The following BCL2L12 variants were observed in gnomAD, a reference collection of about 807,000 sequenced individuals.
The protein encoded by BCL2L12 is bcl-2-like protein 12.
Under a neutral mutation model 25.7 loss-of-function variants are expected in BCL2L12, and 27 were observed. The observed-to-expected ratio is 1.05, with a 90% CI of 0.78 to 1.45. BCL2L12 has a LOEUF of 1.45. BCL2L12 is among the 40% of genes most tolerant of loss of function. BCL2L12 has a pLI of 0.00. For missense variants in BCL2L12, 302 were observed against 329.8 expected (o/e 0.92, Z 0.65); for synonymous variants, 132 against 145.6 (o/e 0.91, Z 0.67).
chr19:49,667,425 C>G (rs1175463158), intron 3 of BCL2L12, among the ~76,000 whole-genome samples: 1 of 152,178 alleles, frequency 6.6e-6, no homozygotes. Flanking sequence ...AGGAATACCC[C>G]TGATAGAGGG....
intron 5 of BCL2L12, 97 bp downstream of exon 5, chr19:49,669,212 C>G (rs1439134243): frequency 6.5e-7 from 1 of 1,532,736 alleles, no homozygotes; most frequent in African/African-American, 1.4e-5. Context: ...TTTGGATGGT[C>G]AGGTGGAAAG....
intron 3 of BCL2L12, among the ~76,000 whole-genome samples, chr19:49,667,466 C>T (rs759606637): frequency 3.4e-4 from 51 of 152,146 alleles, no homozygotes; most frequent in Admixed American, 9.2e-4. Flanking sequence ...TCACATCTCC[C>T]TGGCTGTTTT....
chr19:49,670,429 G>A lies in BCL2L12; in HGVS notation c.643G>A (p.Gly215Arg), dbSNP rs747252998. 16 of 1,540,064 alleles carry A rather than the reference G, an allele frequency of 1.0e-5. No individual in the cohort carries two copies. Among genetic ancestry groups the A allele is most frequent in the South Asian group, 6.0e-5 (5 of 83,224 alleles). Residue 215 changes from glycine (G) to arginine (R), a missense_variant, in exon 6 of 7, where the codon GGA (glycine) becomes AGA (arginine). By Grantham distance (125) the Gly-to-Arg change is moderately radical. Transcript: ENST00000246784. The part of the protein sequence containing the change: ...RVAGLGGTLA[G>R]LSVEHVHSFT... ...GGCCGGGCTGGGGGGCACCCTGGCC[G>A]GACTCAGCGTGGAGCACGTGCACAG...
chr19:49,672,435 G>A lies in BCL2L12; in HGVS notation c.703-1263G>A, dbSNP rs2081979356. Among the ~76,000 whole-genome samples, 2 of 152,338 alleles carry A rather than the reference G, an allele frequency of 1.3e-5. No homozygotes were observed. Among genetic ancestry groups the A allele is most frequent in the Middle Eastern group, 3.4e-3 (1 of 294 alleles). ...CTGTGGTCACGGTGAGTGACAACTC[G>A]GACTTTGACTCTGGGTAAGCCAAGG... On this transcript the variant is annotated intron_variant, in intron 6 of 6. Transcript: ENST00000246784. This position sits in a 1 kb window ranked among gnomAD's most constrained non-coding sequence, Gnocchi z 4.1.
upstream of BCL2L12, chr19:49,665,809 CAG>C: frequency 6.3e-7 from 1 of 1,579,810 alleles, no homozygotes; most frequent in Non-Finnish European, 8.7e-7. Context: ...CTTTGGGTAA[CAG>C]ACCCAAAAGC....
Position 49,673,736 on chromosome 19 carries a change from G to GC in BCL2L12, c.743dup (p.Leu249IlefsTer13). 1 of 1,614,140 alleles carries GC rather than the reference G, an allele frequency of 6.2e-7. No homozygotes were observed. Among genetic ancestry groups the GC allele is most frequent in the African/African-American group, 1.3e-5 (1 of 75,024 alleles). On this transcript the variant is annotated frameshift_variant, in exon 7 of 7. Coordinates refer to ENST00000246784, the MANE Select transcript of BCL2L12 (RefSeq NM_138639.2). LOFTEE classifies it high-confidence loss of function. Reference sequence around the variant, plus strand: ...CTGTTTCACCCGTGGACTTGAACTTGCCATTGGACTGAGCTCTTTCTCAGA... The same window carrying GC: ...CTGTTTCACCCGTGGACTTGAACTTGCCCATTGGACTGAGCTCTTTCTCAGA...
rs1351712110 is a variant in BCL2L12, at chr19:49,666,795, C to T, written c.103C>T (p.Pro35Ser). 8.4e-6 allele frequency: 13 copies of T among 1,556,814 alleles called. No individual in the cohort carries two copies. The highest frequency in any genetic ancestry group is 2.4e-5 in the South Asian group (2 of 84,506). ...TGCCGGGTCTCCTGTTCCAACTCCACCTAGGTAAGAGGAGTGGCCCTTCTC... is the reference window on the plus strand; with the variant it reads ...TGCCGGGTCTCCTGTTCCAACTCCATCTAGGTAAGAGGAGTGGCCCTTCTC... ...EAAGSPVPTP[P>S]RSPAQEEPTD... The change falls in exon 2 of 7, where the codon CCT becomes TCT. Residue 35 changes from proline (P) to serine (S), a missense_variant. Transcript: ENST00000246784.
intron 1 of BCL2L12, 67 bp from the exon 2 acceptor site, chr19:49,666,618 C>G: frequency 7.9e-7 from 1 of 1,266,500 alleles, no homozygotes; most frequent in Non-Finnish European, 1.1e-6. Flanking sequence ...ACTCACAAGT[C>G]CTGGTCCCCA....
At position 49,669,009 on chromosome 19, in the gene BCL2L12, C is replaced by G. The variant is rs1328912224; in HGVS notation, c.338-15C>G. 3 of 1,613,800 alleles carry G rather than the reference C, an allele frequency of 1.9e-6. No individual in the cohort carries two copies. Among genetic ancestry groups the G allele is most frequent in the Non-Finnish European group, 2.5e-6 (3 of 1,179,880 alleles). Reference sequence around the variant, plus strand: ...TCAGGGTTCTGCCCCCAGCCAAATTCTCTTCTGCCTCCAGAATTACAGGGT... The same window carrying G: ...TCAGGGTTCTGCCCCCAGCCAAATTGTCTTCTGCCTCCAGAATTACAGGGT... On this transcript the variant is annotated splice_polypyrimidine_tract_variant and intron_variant, in intron 4 of 6. Transcript: ENST00000246784.
intron 5 of BCL2L12, 28 bp from the exon 6 acceptor site, chr19:49,670,188 C>T: frequency 6.3e-7 from 1 of 1,592,980 alleles, no homozygotes; most frequent in Non-Finnish European, 8.5e-7. Context: ...GCGCTGCTGA[C>T]GCGGACCCTG....
At chr19:49,667,984 T>C (rs2081858197) in intron 3 of BCL2L12, among the ~76,000 whole-genome samples, 1 of 152,154 alleles carries the variant, frequency 6.6e-6, no homozygotes, top group Non-Finnish European at 1.5e-5. Flanking sequence ...TTCGCCACGT[T>C]GGCCAGGCTG....
At chr19:49,665,785 C>T (rs2081703944), upstream of BCL2L12, 1 of 1,560,370 alleles carries the variant, frequency 6.4e-7, no homozygotes, top group Admixed American at 1.9e-5. Flanking sequence ...TGAAATAAAA[C>T]CAACTTTATC....
intron 5 of BCL2L12, 61 bp from the exon 6 acceptor site, chr19:49,670,155 C>T: frequency 6.4e-7 from 1 of 1,567,182 alleles, no homozygotes; most frequent in Non-Finnish European, 8.6e-7. Context: ...CGCCTCCCGG[C>T]CCTCTATTGG....
At chr19:49,671,517 C>G (rs2081961802) in intron 6 of BCL2L12, among the ~76,000 whole-genome samples, 1 of 152,060 alleles carries the variant, frequency 6.6e-6, no homozygotes, top group African/African-American at 2.4e-5. Context: ...CACGTTTACT[C>G]CCAGCTACTC....
chr19:49,666,941 G>T, intron 2 of BCL2L12, 78 bp from the exon 3 acceptor site: 1 of 1,559,980 alleles, frequency 6.4e-7, no homozygotes, highest in Non-Finnish European at 8.7e-7. Context: ...TCCTCAGCGG[G>T]GGAGGGAGGG....
chr19:49,670,249 G>A lies in BCL2L12; in HGVS notation c.463G>A (p.Val155Ile). 6.2e-7 allele frequency: 1 copy of A among 1,609,208 alleles called. No homozygotes were observed. Among genetic ancestry groups the A allele is most frequent in the Non-Finnish European group, 8.5e-7 (1 of 1,179,594 alleles). Residue 155 changes from valine (V) to isoleucine (I), a missense_variant, in exon 6 of 7, where the codon GTC becomes ATC. Val to Ile is a conservative substitution (Grantham distance 29, BLOSUM62 3). Coordinates refer to ENST00000246784, the MANE Select transcript of BCL2L12 (RefSeq NM_138639.2). ...GGACCCCGCCCTGCGCAGCAAGCTG[G>A]TCCGCCTGTCCTCCGACTCTTTCGC... ...ASDPALRSKL[V>I]RLSSDSFARL...
upstream of BCL2L12, chr19:49,665,746 C>CGCT: frequency 6.6e-7 from 1 of 1,520,164 alleles, no homozygotes; most frequent in Non-Finnish European, 8.9e-7. Context: ...AGCTCTAGAG[C>CGCT]GCTGGGGCTT....
At position 49,670,488 on chromosome 19, in the gene BCL2L12, G is replaced by T. The variant is rs1177751309; in HGVS notation, c.702G>T (p.Trp234Cys). 8.5e-6 allele frequency: 13 copies of T among 1,537,342 alleles called. No individual in the cohort carries two copies. Among genetic ancestry groups the T allele is most frequent in the Non-Finnish European group, 7.9e-6 (9 of 1,144,280 alleles). Residue 234 changes from tryptophan (W) to cysteine (C), a missense_variant and splice_region_variant, in exon 6 of 7, where the codon TGG becomes TGT. Trp to Cys is a radical substitution (Grantham distance 215, BLOSUM62 -2). Coordinates refer to ENST00000246784, the MANE Select transcript of BCL2L12 (RefSeq NM_138639.2). ...FTPWIQAHGG[W>C]EGILAVSPVD... ...CCTGGATCCAGGCCCACGGGGGCTG[G>T]GTGAGCCGCTGAAGCCTCTCTCTCC...
intron 6 of BCL2L12, 143 bp downstream of exon 6, chr19:49,670,631 T>A: frequency 8.5e-7 from 1 of 1,171,090 alleles, no homozygotes; most frequent in Non-Finnish European, 1.2e-6. Context: ...GCCCTTGCTG[T>A]ATGCCAGGAC....
Sources: gnomAD v4.1 joint callset for allele counts (sites outside exome capture counted in the v4.1 genomes callset) on GRCh38, gnomAD v4.1.1 for gene constraint, Gnocchi (gnomAD v3.1) non-coding constraint, MANE v1.5 for transcripts, NCBI Gene and HGNC (gene_info 2026-07-23, HGNC 2026-07-21) for gene names.